The following RBFOX3 variants were observed in gnomAD, a reference collection of about 807,000 sequenced individuals.
The protein encoded by RBFOX3 is RNA binding protein fox-1 homolog 3.
Under a neutral mutation model 48.7 loss-of-function variants are expected in RBFOX3, and 17 were observed. The ratio of observed to expected loss-of-function variants is 0.35; its 90% CI spans 0.24 to 0.52. The LOEUF (loss-of-function observed/expected upper bound fraction) is 0.52, where lower values mean the gene tolerates loss of function less well. RBFOX3 is among the 20% of genes least tolerant of loss of function. The pLI, the probability that RBFOX3 is intolerant of heterozygous loss-of-function variation, is 0.94. For missense variants in RBFOX3, 382 were observed against 497.5 expected, an observed-to-expected ratio of 0.77 and a Z score of 2.21; for synonymous variants, 212 against 209.5, an observed-to-expected ratio of 1.01 and a Z score of -0.10.
intron 4 of RBFOX3, among the ~76,000 whole-genome samples, chr17:79,190,614 C>G (rs936343469): frequency 6.6e-6 from 1 of 152,124 alleles, no homozygotes; most frequent in Non-Finnish European, 1.5e-5. Context: ...ACCCTGCTGT[C>G]TCTCCGGGGA....
intron 8 of RBFOX3, 30 bp from the exon 9 acceptor site, chr17:79,101,674 G>C (rs1164481865): frequency 1.9e-6 from 3 of 1,546,902 alleles, no homozygotes; most frequent in Non-Finnish European, 8.7e-7. Flanking sequence ...GAGAGAGGAA[G>C]AGGGAGGATT....
At position 79,090,806 on chromosome 17, in the gene RBFOX3, T is replaced by C; in HGVS notation, c.*77A>G. On this transcript the variant is annotated 3_prime_UTR_variant, in exon 15 of 15. Transcript: ENST00000693108. The stretch of plus-strand genomic sequence containing the variant: ...TTGCTTGGATCTTAACATCTTTTTT[T>C]GTTTTTTTTGTTTTGTGATTTTTTT... The C allele has an allele frequency of 6.9e-7, 1 of 1,453,612 alleles. No homozygotes were observed. Among genetic ancestry groups the C allele is most frequent in the Non-Finnish European group, 9.2e-7 (1 of 1,084,738 alleles). The allele number at this position is 1,453,612 out of a possible 1,614,324, so 90.0% of individuals were successfully genotyped here.
intron 2 of RBFOX3, among the ~76,000 whole-genome samples, chr17:79,386,141 C>A (rs1201974177): frequency 7.3e-5 from 11 of 150,086 alleles, no homozygotes; most frequent in African/African-American, 2.7e-4. Context: ...GAGGCTCCAT[C>A]ATCCTCCATT....
intron 2 of RBFOX3, among the ~76,000 whole-genome samples, chr17:79,478,373 G>GC (rs2078270950): frequency 6.6e-6 from 1 of 152,164 alleles, no homozygotes; most frequent in African/African-American, 2.4e-5. Flanking sequence ...CTCACACTCA[G>GC]CCCCATGGCG....
At chr17:79,280,491 C>T (rs538618427) in intron 3 of RBFOX3, among the ~76,000 whole-genome samples, 7 of 152,204 alleles carry the variant, frequency 4.6e-5, no homozygotes, top group Admixed American at 1.3e-4. Flanking sequence ...CCTCCCACAC[C>T]GGAGCTCAAG....
chr17:79,397,514 A>AC (rs1225417275), intron 2 of RBFOX3, among the ~76,000 whole-genome samples: 4 of 141,798 alleles, frequency 2.8e-5, no homozygotes, highest in Admixed American at 7.1e-5. Context: ...AAAAAGTGCG[A>AC]CCCCCACCCC....
At chr17:79,501,505 T>G (rs1201647993) in intron 1 of RBFOX3, among the ~76,000 whole-genome samples, 2 of 152,196 alleles carry the variant, frequency 1.3e-5, no homozygotes, top group Admixed American at 6.5e-5. Context: ...TCCCACCCTC[T>G]GCCTCCTCCT....
At chr17:79,188,118 C>T (rs9891502) in intron 4 of RBFOX3, among the ~76,000 whole-genome samples, 8,729 of 152,274 alleles carry the variant, frequency 0.057, 270 homozygotes, top group East Asian at 0.15. Context: ...TCGGTGCAGC[C>T]CTGGCAGGCG....
chr17:79,509,086 C>A (rs1221766040), intron 1 of RBFOX3, among the ~76,000 whole-genome samples: 3 of 152,102 alleles, frequency 2.0e-5, no homozygotes, highest in Non-Finnish European at 4.4e-5. Flanking sequence ...AGCGTTCCAG[C>A]TGGTTCTTTG....
At chr17:79,106,393 T>A (rs1309536132) in intron 6 of RBFOX3, among the ~76,000 whole-genome samples, 1 of 148,942 alleles carries the variant, frequency 6.7e-6, no homozygotes, top group East Asian at 2.0e-4. Context: ...AGGGGTGGGG[T>A]TTGAGGGGCA....
At chr17:79,595,276 G>C (rs2093538430) in intron 1 of RBFOX3, among the ~76,000 whole-genome samples, 1 of 152,164 alleles carries the variant, frequency 6.6e-6, no homozygotes, top group Non-Finnish European at 1.5e-5. Context: ...GAGCAGACTT[G>C]GGTCCCCAGC....
rs782382835 is a variant in RBFOX3 at position 79,443,168 on chromosome 17, G to A, written c.-175+39286C>T. 1.2e-4 allele frequency among the ~76,000 whole-genome samples: 19 copies of A among 152,166 alleles called. No individual in the cohort carries two copies. The highest frequency in any genetic ancestry group is 6.2e-4 in the South Asian group (3 of 4,830). On this transcript the variant is annotated intron_variant, in intron 2 of 14. Coordinates refer to ENST00000693108, the MANE Select transcript of RBFOX3 (RefSeq NM_001350451.2). This position sits in a 1 kb window ranked among gnomAD's most constrained non-coding sequence, Gnocchi z 4.4. ...TCCCCAACCAGCCACCTGGGAACCC[G>A]AGGAAGTCAGATCAGCCGAAGGGGC...
At chr17:79,644,782 A>T in the RBFOX3 span, among the ~76,000 whole-genome samples, 1 of 152,228 alleles carries the variant, frequency 6.6e-6, no homozygotes, top group African/African-American at 2.4e-5. Flanking sequence ...GACATATATC[A>T]TGATTATGTA....
chr17:79,434,724 G>T (rs74000095), intron 2 of RBFOX3, among the ~76,000 whole-genome samples: 2,070 of 152,312 alleles, frequency 0.014, 50 homozygotes, highest in African/African-American at 0.047. Context: ...ACTTAGGGAA[G>T]AGAGGATTCA....
chr17:79,469,219 G>A (rs1382227084), intron 2 of RBFOX3, among the ~76,000 whole-genome samples: 2 of 152,100 alleles, frequency 1.3e-5, no homozygotes, highest in Non-Finnish European at 2.9e-5. Context: ...TCTTGACATC[G>A]AGTTGGCAGC....
intron 4 of RBFOX3, among the ~76,000 whole-genome samples, chr17:79,165,449 G>A (rs1054441095): frequency 1.3e-5 from 2 of 152,192 alleles, no homozygotes; most frequent in Non-Finnish European, 2.9e-5. Flanking sequence ...TGGGGAGGCC[G>A]CAGGAGGGCA....
chr17:79,301,486 T>C (rs550216166), intron 3 of RBFOX3, among the ~76,000 whole-genome samples: 2 of 152,372 alleles, frequency 1.3e-5, no homozygotes, highest in African/African-American at 4.8e-5. Context: ...AGAGTCGCCC[T>C]GACAAGGCTC....
intron 2 of RBFOX3, among the ~76,000 whole-genome samples, chr17:79,359,924 C>T (rs1289435161): frequency 6.6e-6 from 1 of 152,104 alleles, no homozygotes; most frequent in African/African-American, 2.4e-5. Flanking sequence ...GGGGGTCTGG[C>T]TCTGTTGCCC....
intron 1 of RBFOX3, among the ~76,000 whole-genome samples, chr17:79,492,125 G>A (rs1179295155): frequency 6.6e-6 from 1 of 152,174 alleles, no homozygotes; most frequent in Non-Finnish European, 1.5e-5. Context: ...CAAGGCCGAT[G>A]GGGCTGAGCT....
Sources: gnomAD v4.1 joint callset for allele counts (sites outside exome capture counted in the v4.1 genomes callset) on GRCh38, gnomAD v4.1.1 for gene constraint, Gnocchi (gnomAD v3.1) non-coding constraint, MANE v1.5 for transcripts, NCBI Gene and HGNC (gene_info 2026-07-23, HGNC 2026-07-21) for gene names.